Variants in ATXN7L1 observed in about 807,000 individuals in gnomAD.
ATXN7L1 encodes ataxin 7 like 1.
ATXN7L1 carries 15 observed loss-of-function variants against 70.8 expected under a neutral mutation model. The ratio of observed to expected loss-of-function variants is 0.21; its 90% CI spans 0.14 to 0.33. The LOEUF is 0.33. ATXN7L1 is among the 10% of genes least tolerant of loss of function. ATXN7L1 has a pLI of 1.00. For missense variants in ATXN7L1, 975 were observed against 1,097.1 expected (o/e 0.89, Z 1.57); for synonymous variants, 440 against 445.1 (o/e 0.99, Z 0.14).
chr7:105,774,061 A>C (rs184725294), intron 3 of ATXN7L1, among the ~76,000 whole-genome samples: 145 of 152,204 alleles, frequency 9.5e-4, no homozygotes, highest in African/African-American at 3.4e-3. Flanking sequence ...CACTGCCACC[A>C]TCACCAGTAC....
At chr7:105,776,504 A>AAAAC (rs573388135) in intron 3 of ATXN7L1, among the ~76,000 whole-genome samples, 4 of 146,462 alleles carry the variant, frequency 2.7e-5, no homozygotes, top group Admixed American at 6.9e-5. Flanking sequence ...CCCCCCCCCC[A>AAAAC]AAACAAACAA....
intron 2 of ATXN7L1, among the ~76,000 whole-genome samples, chr7:105,809,600 G>T (rs1167538115): frequency 1.3e-5 from 2 of 152,112 alleles, no homozygotes; most frequent in Non-Finnish European, 2.9e-5. Flanking sequence ...TACTGACATG[G>T]TACTCACTGT....
At chr7:105,760,205 T>A in intron 3 of ATXN7L1, 2 of 984,786 alleles carry the variant, frequency 2.0e-6, no homozygotes, top group Middle Eastern at 5.2e-4. Flanking sequence ...ATCCAATAGA[T>A]GTTTAATGAC....
At chr7:105,718,011 T>C (rs1794764846) in intron 3 of ATXN7L1, among the ~76,000 whole-genome samples, 1 of 152,200 alleles carries the variant, frequency 6.6e-6, no homozygotes, top group Admixed American at 6.5e-5. Context: ...ATGAAATAGT[T>C]AATATCATCA....
chr7:105,631,730 G>T (rs1461646192), intron 7 of ATXN7L1, among the ~76,000 whole-genome samples: 2 of 152,228 alleles, frequency 1.3e-5, no homozygotes, highest in East Asian at 3.8e-4. Flanking sequence ...GCCTTCCAAA[G>T]TGCTAGGATT....
chr7:105,618,117 G>A (rs1419121516), intron 9 of ATXN7L1: 1 of 455,404 alleles, frequency 2.2e-6, no homozygotes. Context: ...AAAGGAATAT[G>A]GAGCTTGAGC....
chr7:105,692,370 T>TTTCTTTCC (rs1791007683), intron 3 of ATXN7L1, among the ~76,000 whole-genome samples: 9 of 94,606 alleles, frequency 9.5e-5, no homozygotes, highest in South Asian at 9.0e-4. Context: ...AATTTCTTTC[T>TTTCTTTCC]TTCCTTCCTT....
At chr7:105,790,661 CTACT>C (rs1475042444) in intron 2 of ATXN7L1, among the ~76,000 whole-genome samples, 17 of 145,872 alleles carry the variant, frequency 1.2e-4, no homozygotes, top group South Asian at 2.2e-4. Flanking sequence ...TATCATCTAT[CTACT>C]ATCTATCTAC....
chr7:105,649,788 A>T (rs550407952), intron 4 of ATXN7L1, among the ~76,000 whole-genome samples: 1 of 152,368 alleles, frequency 6.6e-6, no homozygotes, highest in East Asian at 1.9e-4. Flanking sequence ...GATGAATTTG[A>T]CAGGCAGGAG....
chr7:105,716,149 G>A (rs892108893), intron 3 of ATXN7L1, among the ~76,000 whole-genome samples: 54 of 151,856 alleles, frequency 3.6e-4, no homozygotes, highest in African/African-American at 1.3e-3. Context: ...TGGAGGAGAA[G>A]GTACAAGTAG....
At chr7:105,850,956 C>T (rs1585150393) in intron 2 of ATXN7L1, among the ~76,000 whole-genome samples, 1 of 152,112 alleles carries the variant, frequency 6.6e-6, no homozygotes, top group East Asian at 1.9e-4. Context: ...TTCCTGCTGC[C>T]CCGCTTCCTT....
chr7:105,778,168 G>T (rs1803000965), intron 3 of ATXN7L1, among the ~76,000 whole-genome samples: 1 of 152,056 alleles, frequency 6.6e-6, no homozygotes, highest in Non-Finnish European at 1.5e-5. Flanking sequence ...CAGCCTTCAA[G>T]AAATAGGCTT....
chr7:105,799,929 A>G (rs927964870), intron 2 of ATXN7L1, among the ~76,000 whole-genome samples: 1 of 152,194 alleles, frequency 6.6e-6, no homozygotes, highest in African/African-American at 2.4e-5. Context: ...GACTGCACCA[A>G]TGCTGCCGAG....
At chr7:105,839,709 T>C (rs145444385) in intron 2 of ATXN7L1, among the ~76,000 whole-genome samples, 5 of 152,258 alleles carry the variant, frequency 3.3e-5, no homozygotes, top group African/African-American at 1.2e-4. Flanking sequence ...GTATCTACTT[T>C]GTTGCACTCA....
chr7:105,641,968 C>T (rs527714002), intron 5 of ATXN7L1, among the ~76,000 whole-genome samples: 43 of 152,280 alleles, frequency 2.8e-4, no homozygotes, highest in South Asian at 2.5e-3. Context: ...AAGCTTAACC[C>T]GAGGACAGTT....
chr7:105,803,712 C>T (rs1807155787), intron 2 of ATXN7L1, among the ~76,000 whole-genome samples: 1 of 152,216 alleles, frequency 6.6e-6, no homozygotes, highest in South Asian at 2.1e-4. Context: ...CATTTTGGAA[C>T]AAAGTTTTCC....
chr7:105,723,090 G>C (rs998662453), intron 3 of ATXN7L1, among the ~76,000 whole-genome samples: 1 of 152,072 alleles, frequency 6.6e-6, no homozygotes, highest in African/African-American at 2.4e-5. Context: ...GTGTGGTTCT[G>C]GGTCTCGATG....
chr7:105,687,720 G>T (rs1322813394), intron 3 of ATXN7L1, among the ~76,000 whole-genome samples: 1 of 152,190 alleles, frequency 6.6e-6, no homozygotes, highest in Non-Finnish European at 1.5e-5. Flanking sequence ...GGGAGAAAAA[G>T]TATAGGATGG....
At chr7:105,644,518 T>G (rs1288323702) in intron 4 of ATXN7L1, among the ~76,000 whole-genome samples, 1 of 152,188 alleles carries the variant, frequency 6.6e-6, no homozygotes, top group Non-Finnish European at 1.5e-5. Flanking sequence ...CCACTGCCAA[T>G]TCCGTCCCTG....
Sources: gnomAD v4.1 joint callset for allele counts (sites outside exome capture counted in the v4.1 genomes callset) on GRCh38, gnomAD v4.1.1 for gene constraint, MANE v1.5 for transcripts, NCBI Gene and HGNC (gene_info 2026-07-23, HGNC 2026-07-21) for gene names.